The following FRAS1 variants were observed in gnomAD, a reference collection of about 807,000 sequenced individuals.
FRAS1 encodes Fraser extracellular matrix complex subunit 1.
FRAS1 carries 290 observed loss-of-function variants against 435.2 expected under a neutral mutation model. The observed-to-expected ratio is 0.67, with a 90% CI of 0.61 to 0.73. The LOEUF (loss-of-function observed/expected upper bound fraction) is 0.73. Ranked by LOEUF, FRAS1 falls within the 30% of genes least tolerant of loss-of-function variation. The pLI is 0.00. For missense variants in FRAS1, 4,860 were observed against 5,001.5 expected, an observed-to-expected ratio of 0.97 and a Z score of 0.85; for synonymous variants, 1,800 against 1,851.0, an observed-to-expected ratio of 0.97 and a Z score of 0.71.
chr4:78,506,964 A>G (rs1720866247), intron 61 of FRAS1, among the ~76,000 whole-genome samples: 1 of 152,152 alleles, frequency 6.6e-6, no homozygotes, highest in Non-Finnish European at 1.5e-5. Flanking sequence ...ATCTTTGTGG[A>G]GGCTGGCTTG....
At chr4:78,487,582 C>T (rs1298975160) in intron 58 of FRAS1, among the ~76,000 whole-genome samples, 1 of 152,096 alleles carries the variant, frequency 6.6e-6, no homozygotes, top group African/African-American at 2.4e-5. Context: ...AACCAGCAGT[C>T]AACAAAATGT....
At chr4:78,171,635 G>A (rs943337996) in intron 2 of FRAS1, among the ~76,000 whole-genome samples, 5 of 152,098 alleles carry the variant, frequency 3.3e-5, no homozygotes, top group African/African-American at 1.2e-4. Flanking sequence ...TTCCATGGCT[G>A]GGGCCGCCAC....
rs142480578 is a variant in FRAS1, at chr4:78,247,084, C to G, written c.309+1759C>G. ...GACCTCATCTTAAGGGCATGTTGGT[C>G]ATTAACCAGTGTGGCTGGTTAGCTC... On this transcript the variant is annotated intron_variant, in intron 4 of 73. Transcript: ENST00000512123. Among the ~76,000 whole-genome samples the G allele has an allele frequency of 3.3e-3, 496 of 152,262 alleles. 6 individuals carry two copies. Among genetic ancestry groups the G allele is most frequent in the African/African-American group, 0.011 (470 of 41,562 alleles).
intron 2 of FRAS1, among the ~76,000 whole-genome samples, chr4:78,097,195 CT>C (rs2109911039): frequency 6.6e-6 from 1 of 152,308 alleles, no homozygotes; most frequent in East Asian, 1.9e-4. Context: ...CAACAAGTTT[CT>C]CATCTCTATC....
chr4:78,319,576 C>T (rs966280271), intron 18 of FRAS1: 16 of 286,102 alleles, frequency 5.6e-5, no homozygotes, highest in Admixed American at 2.0e-4. Context: ...TCTAAAGCTA[C>T]GTGAAAAAAA....
At position 78,471,718 on chromosome 4, in the gene FRAS1, A is replaced by G. The variant is rs569718897; in HGVS notation, c.7372-462A>G. Among the ~76,000 whole-genome samples the G allele has an allele frequency of 3.3e-4, 50 of 152,318 alleles. 2 individuals carry two copies. In the South Asian group the frequency reaches 7.1e-3, roughly 21 times the overall value. On this transcript the variant is annotated intron_variant, in intron 51 of 73. Transcript: ENST00000512123. The stretch of plus-strand genomic sequence containing the variant: ...GTGTATTTGGGCAATATCAGGGTAC[A>G]GTGTGTTTCTCTTACTCTATTTCAA...
intron 56 of FRAS1, 57 bp downstream of exon 56, chr4:78,479,775 A>T: frequency 1.5e-6 from 2 of 1,325,612 alleles, no homozygotes; most frequent in Non-Finnish European, 2.0e-6. Flanking sequence ...TTTCTTGAGC[A>T]GTTTTCTCCT....
rs911029266 is a variant in FRAS1 at position 78,516,081 on chromosome 4, A to G, written c.10389+68A>G. The G allele has an allele frequency of 1.0e-5, 13 of 1,266,004 alleles. No individual in the cohort carries two copies. In the African/African-American group the frequency reaches 2.0e-4, roughly 19 times the overall value. 78.4% of individuals were successfully genotyped at this position (1,266,004 alleles called of 1,614,324 possible). A position where few individuals can be genotyped will look rare whatever the true frequency, so the allele number is the denominator to read the frequency against. ...CCATGGTCAACCTTGTTTGTTCCTG[A>G]AGCACTTCAATTAGCACTTTGCCTC... On this transcript the variant is annotated intron_variant, in intron 66 of 73. Coordinates refer to ENST00000512123, the MANE Select transcript of FRAS1 (RefSeq NM_025074.7).
In FRAS1 at chr4:78,421,968, A is replaced by G. The variant is rs1341139889; in HGVS notation, c.4646A>G (p.His1549Arg). 1.2e-6 allele frequency: 2 copies of G among 1,612,178 alleles called. No homozygotes were observed. Among genetic ancestry groups the G allele is most frequent in the Non-Finnish European group, 1.7e-6 (2 of 1,179,168 alleles). Residue 1549 changes from histidine to arginine, a missense_variant, in exon 34 of 74, where the codon CAC becomes CGC. Physicochemically the swap from His to Arg is conservative, Grantham distance 29. Coordinates refer to ENST00000512123, the MANE Select transcript of FRAS1 (RefSeq NM_025074.7). ...TACCGCCCTCCCCCGGCAGCACCCC[A>G]CCTCCAGGAGCTCATGGCCTTCTCG... ...VMYRPPPAAP[H>R]LQELMAFSFA...
intron 18 of FRAS1, 54 bp from the exon 19 acceptor site, chr4:78,333,218 T>C: frequency 6.4e-7 from 1 of 1,563,102 alleles, no homozygotes. Context: ...AGAGTTACTG[T>C]CTGTGTCACG....
intron 14 of FRAS1, among the ~76,000 whole-genome samples, chr4:78,298,265 T>C (rs944354036): frequency 2.7e-5 from 4 of 148,690 alleles, no homozygotes; most frequent in Admixed American, 2.0e-4. Context: ...ATAAGGTACA[T>C]ATTTAAGGTA....
chr4:78,427,663 TG>T (rs1347649363), intron 35 of FRAS1, among the ~76,000 whole-genome samples: 1 of 152,224 alleles, frequency 6.6e-6, no homozygotes, highest in Non-Finnish European at 1.5e-5. Flanking sequence ...ACAATAATTT[TG>T]ACACTTGTCT....
At chr4:78,205,307 T>C (rs532644022) in intron 2 of FRAS1, among the ~76,000 whole-genome samples, 1 of 151,298 alleles carries the variant, frequency 6.6e-6, no homozygotes, top group African/African-American at 2.4e-5. Context: ...GCTCAAGCAA[T>C]CCTCCTGCTT....
At chr4:78,059,508 G>GA (rs71214393) in intron 1 of FRAS1, among the ~76,000 whole-genome samples, 4,438 of 131,092 alleles carry the variant, frequency 0.034, 80 homozygotes, top group Middle Eastern at 0.057. Context: ...GCGTACTTTG[G>GA]AAAAAAAAAA....
At chr4:78,200,076 C>T (rs1004244514) in intron 2 of FRAS1, among the ~76,000 whole-genome samples, 1 of 152,170 alleles carries the variant, frequency 6.6e-6, no homozygotes, top group Non-Finnish European at 1.5e-5. Flanking sequence ...CCACCATCAC[C>T]ACCCTAACTG....
rs760777103 is a variant in FRAS1, at chr4:78,450,193, A to G, written c.6317A>G (p.Asp2106Gly). The change falls in exon 45 of 74, where the codon GAT becomes GGT. Residue 2106 changes from aspartate (D) to glycine (G), a missense_variant. By Grantham distance (94) the Asp-to-Gly change is moderately conservative (BLOSUM62 -1). Coordinates refer to ENST00000512123, the MANE Select transcript of FRAS1 (RefSeq NM_025074.7). ...RITEQHLKVT[D>G]IDSDDHQVMY... ...ACAGAACAGCACTTGAAAGTGACAG[A>G]TATTGACTCAGATGACCATCAGGTT... 1.2e-6 allele frequency: 2 copies of G among 1,613,710 alleles called. No individual in the cohort carries two copies. The highest frequency in any genetic ancestry group is 2.7e-5 in the African/African-American group (2 of 74,906).
chr4:78,257,215 T>C (rs1317196881), intron 6 of FRAS1, among the ~76,000 whole-genome samples: 1 of 152,338 alleles, frequency 6.6e-6, no homozygotes, highest in East Asian at 1.9e-4. Context: ...TAAACTGTTC[T>C]ACATTGCAAT....
chr4:78,360,587 G>T (rs114233065), intron 20 of FRAS1, among the ~76,000 whole-genome samples: 1,787 of 152,258 alleles, frequency 0.012, 29 homozygotes, highest in African/African-American at 0.041. Context: ...ATAGATAGAC[G>T]TTTTGAGGTG....
chr4:78,358,429 CA>C (rs1411483798), intron 20 of FRAS1, among the ~76,000 whole-genome samples: 4 of 152,106 alleles, frequency 2.6e-5, no homozygotes, highest in Non-Finnish European at 5.9e-5. Flanking sequence ...AAGAATTTTA[CA>C]TTTTTTTCAT....
Sources: allele counts gnomAD v4.1 joint callset (sites outside exome capture counted in the v4.1 genomes callset), GRCh38; gene constraint gnomAD v4.1.1; transcripts MANE v1.5; gene names NCBI Gene and HGNC (gene_info 2026-07-23, HGNC 2026-07-21).